The following SDR42E2 variants were observed in gnomAD, a reference collection of about 807,000 sequenced individuals.
The protein encoded by SDR42E2 is short chain dehydrogenase/reductase family 42E, member 2, also known as putative short-chain dehydrogenase/reductase family 42E member 2.
SDR42E2 carries 20 observed loss-of-function variants against 10.5 expected under a neutral mutation model. That is an observed-to-expected ratio of 1.90 (90% confidence interval 1.34 to 2.77). The LOEUF (loss-of-function observed/expected upper bound fraction) is 2.77, where lower values mean the gene tolerates loss of function less well. Ranked by LOEUF, SDR42E2 falls within the 30% of genes most tolerant of loss-of-function variation. SDR42E2 has a pLI of 0.00. For missense variants in SDR42E2, 162 were observed against 104.2 expected (o/e 1.55, Z -2.42); for synonymous variants, 72 against 39.2 (o/e 1.84, Z -3.12).
chr16:22,166,222 A>G (rs528651990), intron 2 of SDR42E2, 28 bp from the exon 3 acceptor site: 12 of 405,462 alleles, frequency 3.0e-5, no homozygotes, highest in African/African-American at 1.8e-4. Flanking sequence ...GCCCAGACCC[A>G]GTGAGTCAAC....
Position 22,190,521 on chromosome 16 carries a change from T to G in SDR42E2, c.*128T>G. On this transcript the variant is annotated 3_prime_UTR_variant, in exon 13 of 13. Transcript: ENST00000602312. ...GCGCGCCTCCGCTCCGCCCCTTGAA[T>G]CCTGGTCACGCCCCCGAGCCGCTCT... is the stretch of plus-strand genomic sequence containing the variant. 1 of 399,098 alleles carries G rather than the reference T, an allele frequency of 2.5e-6. No homozygotes were observed. Among genetic ancestry groups the G allele is most frequent in the East Asian group, 3.6e-5 (1 of 28,060 alleles). The allele number at this position is 399,098 out of a possible 1,614,324, so 24.7% of individuals were successfully genotyped here. A position where few individuals can be genotyped will look rare whatever the true frequency, so the allele number is the denominator to read the frequency against.
rs778470801 is a variant in SDR42E2 at position 22,186,746 on chromosome 16, G to C, written c.966G>C (p.Leu322=). 11 of 400,458 alleles carry C rather than the reference G, an allele frequency of 2.7e-5. No individual in the cohort carries two copies. Among genetic ancestry groups the C allele is most frequent in the African/African-American group, 4.1e-5 (2 of 48,350 alleles). The allele number at this position is 400,458 out of a possible 1,614,324, so 24.8% of individuals were successfully genotyped here. ...CAGCAGTTATGGAGCGCCTCCATCT[G>C]GCCCTGAGACCCATCTGCAGCCTCC... ...LTAAVMERLH[L]ALRPICSLPP... is the part of the protein sequence containing the mutation. Residue 322 remains leucine (L), a synonymous_variant, in exon 12 of 13, where the codon CTG becomes CTC. Transcript: ENST00000602312.
chr16:22,168,288 C>T (rs1339121564), intron 4 of SDR42E2, among the ~76,000 whole-genome samples: 3 of 151,698 alleles, frequency 2.0e-5, no homozygotes, highest in Non-Finnish European at 2.9e-5. Flanking sequence ...ATTTTTGAGA[C>T]GGAGTTTCGC....
At chr16:22,183,469 G>A (rs921088010) in intron 10 of SDR42E2, among the ~76,000 whole-genome samples, 1 of 152,194 alleles carries the variant, frequency 6.6e-6, no homozygotes, top group Non-Finnish European at 1.5e-5. Context: ...AAAGCGCAAG[G>A]GAGGTGTTTG....
intron 7 of SDR42E2, among the ~76,000 whole-genome samples, chr16:22,176,004 AG>A (rs2046642033): frequency 6.6e-6 from 1 of 151,900 alleles, no homozygotes. Context: ...AAAAAAAAAA[AG>A]TCATTTTAAA....
At chr16:22,177,442 C>G (rs1292046907) in intron 7 of SDR42E2, among the ~76,000 whole-genome samples, 2 of 152,030 alleles carry the variant, frequency 1.3e-5, no homozygotes, top group Non-Finnish European at 2.9e-5. Context: ...GCCTGGCCAA[C>G]ATGGTGAAAC....
intron 5 of SDR42E2, among the ~76,000 whole-genome samples, chr16:22,170,289 A>C (rs1401291274): frequency 1.3e-5 from 2 of 151,320 alleles, no homozygotes; most frequent in Non-Finnish European, 2.9e-5. Context: ...GGGAGGGGGA[A>C]GTTGTGGTGA....
chr16:22,179,317 G>T (rs982116721), intron 8 of SDR42E2, among the ~76,000 whole-genome samples: 1 of 151,944 alleles, frequency 6.6e-6, no homozygotes, highest in Non-Finnish European at 1.5e-5. Flanking sequence ...AGTTAACTGG[G>T]TTCTTAAGGA....
In SDR42E2 at chr16:22,177,502, C is replaced by T. The variant is rs2046654283; in HGVS notation, c.590-628C>T. On this transcript the variant is annotated intron_variant, in intron 7 of 12. Coordinates refer to ENST00000602312, the MANE Select transcript of SDR42E2 (RefSeq NM_001394319.2). ...AATTAGCTGGGCATGGTTGTGGGCA[C>T]CTGTAATCCCAGCTACTTGGGAGGC... Among the ~76,000 whole-genome samples the T allele has an allele frequency of 2.0e-5, 3 of 152,018 alleles. No homozygotes were observed. In the South Asian group the frequency reaches 6.2e-4, roughly 32 times the overall value.
chr16:22,171,905 CG>C (rs1387660196), intron 6 of SDR42E2, among the ~76,000 whole-genome samples: 2 of 152,134 alleles, frequency 1.3e-5, no homozygotes, highest in Non-Finnish European at 2.9e-5. Context: ...ATAAGATAAC[CG>C]ATGTGAAAAT....
At chr16:22,166,859 T>G in intron 3 of SDR42E2, 45 bp from the exon 4 acceptor site, 1 of 575,614 alleles carries the variant, frequency 1.7e-6, no homozygotes, top group Non-Finnish European at 3.2e-6. Flanking sequence ...ATCTCTTGCC[T>G]TGGACTTGAA....
At chr16:22,186,125 G>C (rs1052383225) in intron 11 of SDR42E2, among the ~76,000 whole-genome samples, 1 of 152,070 alleles carries the variant, frequency 6.6e-6, no homozygotes, top group African/African-American at 2.4e-5. Context: ...CTACTCCAGA[G>C]AGCATTGGAG....
At position 22,177,785 on chromosome 16, in the gene SDR42E2, T is replaced by C. The variant is rs547201141; in HGVS notation, c.590-345T>C. Reference sequence around the variant, plus strand: ...CATCAAAGAAAATCACTCTGCCGAGTGCTTGGTAAACAGACCGGCCGTGCA... The same window carrying C: ...CATCAAAGAAAATCACTCTGCCGAGCGCTTGGTAAACAGACCGGCCGTGCA... On this transcript the variant is annotated intron_variant, in intron 7 of 12. Transcript: ENST00000602312. Among the ~76,000 whole-genome samples, 4 of 151,956 alleles carry C rather than the reference T, an allele frequency of 2.6e-5. No homozygotes were observed. The East Asian group carries it at 7.7e-4, about 29-fold the overall frequency.
At chr16:22,167,052 T>C in intron 4 of SDR42E2, 53 bp downstream of exon 4, 1 of 691,452 alleles carries the variant, frequency 1.4e-6, no homozygotes, top group Non-Finnish European at 2.7e-6. Context: ...GTTCCAGTCC[T>C]GGCTCTGCCC....
chr16:22,181,521 C>CCA lies in SDR42E2; in HGVS notation c.678_679dup (p.Ile227ThrfsTer18). The CCA allele has an allele frequency of 1.4e-6, 1 of 703,068 alleles. No homozygotes were observed. Among genetic ancestry groups the CCA allele is most frequent in the South Asian group, 1.5e-5 (1 of 67,600 alleles). The allele number at this position is 703,068 out of a possible 1,614,324, so 43.6% of individuals were successfully genotyped here. ...TATCACCCACTCCTCTCCACCAGGGCCACATCAAGAAGAGGCTGTTCATGT... is the reference window on the plus strand; with the variant it reads ...TATCACCCACTCCTCTCCACCAGGGCCACACATCAAGAAGAGGCTGTTCATGT... On this transcript the variant is annotated frameshift_variant, in exon 9 of 13. Coordinates refer to ENST00000602312, the MANE Select transcript of SDR42E2 (RefSeq NM_001394319.2). LOFTEE classifies it high-confidence loss of function.
rs991620664 is a variant in SDR42E2, at chr16:22,171,033, G to A, written c.513+82G>A. ...GAGGGGAGGGATGGGTGGAAGCAGG[G>A]TTGGTTTCACAACTCAGGATACGTC... On this transcript the variant is annotated intron_variant, in intron 6 of 12. Transcript: ENST00000602312. 33 of 695,770 alleles carry A rather than the reference G, an allele frequency of 4.7e-5. No individual in the cohort carries two copies. The Admixed American group carries it at 6.6e-4, about 14-fold the overall frequency. The allele number at this position is 695,770 out of a possible 1,614,324, so 43.1% of individuals were successfully genotyped here.
chr16:22,176,069 A>C (rs2046642423), intron 7 of SDR42E2, among the ~76,000 whole-genome samples: 1 of 152,112 alleles, frequency 6.6e-6, no homozygotes, highest in Non-Finnish European at 1.5e-5. Flanking sequence ...AGCACTATAT[A>C]GTGACTATAA....
intron 5 of SDR42E2, among the ~76,000 whole-genome samples, chr16:22,170,286 G>A (rs2046586634): frequency 6.6e-6 from 1 of 151,330 alleles, no homozygotes; most frequent in African/African-American, 2.4e-5. Context: ...CCTGGGAGGG[G>A]GAAGTTGTGG....
chr16:22,181,591 C>T lies in SDR42E2; in HGVS notation c.745C>T (p.His249Tyr). The change falls in exon 9 of 13, where the codon CAC (histidine) becomes TAC (tyrosine). Residue 249 changes from histidine to tyrosine, a missense_variant. His to Tyr is a moderately conservative substitution (Grantham distance 83). Transcript: ENST00000602312. Reference sequence around the variant, plus strand: ...GGCACGGATGAACTGGGTCCACGTACACAATCTGGTGCAGGCACACGTGCT... The same window carrying T: ...GGCACGGATGAACTGGGTCCACGTATACAATCTGGTGCAGGCACACGTGCT... Reference protein sequence around the residue: ...HKARMNWVHVHNLVQAHVLAA... With the variant: ...HKARMNWVHVYNLVQAHVLAA... 1.4e-6 allele frequency: 1 copy of T among 703,066 alleles called. No homozygotes were observed. The highest frequency in any genetic ancestry group is 1.5e-5 in the South Asian group (1 of 67,604). The allele number at this position is 703,066 out of a possible 1,614,324, so 43.6% of individuals were successfully genotyped here. A position where few individuals can be genotyped will look rare whatever the true frequency, so the allele number is the denominator to read the frequency against.
Sources: allele counts gnomAD v4.1 joint callset (sites outside exome capture counted in the v4.1 genomes callset), GRCh38; gene constraint gnomAD v4.1.1; transcripts MANE v1.5; gene names NCBI Gene and HGNC (gene_info 2026-07-23, HGNC 2026-07-21).